The following NRG3 variants were observed in gnomAD, a reference collection of about 807,000 sequenced individuals.
NRG3 encodes the protein neuregulin 3.
A neutral mutation model predicts 66.9 loss-of-function variants in NRG3; 31 were observed. The ratio of observed to expected loss-of-function variants is 0.46; its 90% CI spans 0.35 to 0.63. The LOEUF (loss-of-function observed/expected upper bound fraction) is 0.63, where lower values mean the gene tolerates loss of function less well. NRG3 is among the 20% of genes least tolerant of loss of function. The pLI is 0.00. For synonymous variants in NRG3, 393 were observed against 359.4 expected (o/e 1.09, Z -1.06); for missense variants, 910 against 878.9 (o/e 1.04, Z -0.45).
At chr10:82,936,864 C>T (rs528273049) in intron 4 of NRG3, among the ~76,000 whole-genome samples, 1 of 152,166 alleles carries the variant, frequency 6.6e-6, no homozygotes, top group Admixed American at 6.5e-5. Context: ...ACAAAATCTC[C>T]AAGAAGAGGG....
intron 2 of NRG3, among the ~76,000 whole-genome samples, chr10:82,540,189 A>G (rs1199900793): frequency 1.3e-5 from 2 of 151,182 alleles, no homozygotes; most frequent in African/African-American, 4.9e-5. Flanking sequence ...TTTGTAGTCA[A>G]TAGTTTCTAA....
At chr10:81,959,708 A>T (rs7083652) in intron 1 of NRG3, among the ~76,000 whole-genome samples, 17,339 of 151,922 alleles carry the variant, frequency 0.11, 1,604 homozygotes, top group African/African-American at 0.26. Flanking sequence ...GCTTGTGAAA[A>T]TTATGCATTC....
intron 1 of NRG3, among the ~76,000 whole-genome samples, chr10:82,142,284 A>C (rs1010491329): frequency 3.9e-5 from 6 of 152,186 alleles, no homozygotes; most frequent in African/African-American, 1.4e-4. Flanking sequence ...CCTGTTCTCT[A>C]ACATCTGACA....
At chr10:82,024,614 G>T (rs2062211787) in intron 1 of NRG3, among the ~76,000 whole-genome samples, 1 of 151,952 alleles carries the variant, frequency 6.6e-6, no homozygotes. Context: ...TGAATTCAAG[G>T]TGTGTAGAAT....
intron 1 of NRG3, among the ~76,000 whole-genome samples, chr10:82,315,905 C>T (rs1343597202): frequency 6.6e-6 from 1 of 151,956 alleles, no homozygotes; most frequent in African/African-American, 2.4e-5. Flanking sequence ...CCTTAGCCTC[C>T]CAAAGTACTG....
intron 2 of NRG3, among the ~76,000 whole-genome samples, chr10:82,658,564 A>G (rs1371012070): frequency 2.0e-5 from 3 of 150,950 alleles, no homozygotes; most frequent in Non-Finnish European, 4.4e-5. Flanking sequence ...AAAGCCAGAA[A>G]AAAAAAAGAG....
chr10:82,813,871 T>C (rs1285095058), intron 3 of NRG3, among the ~76,000 whole-genome samples: 1 of 152,168 alleles, frequency 6.6e-6, no homozygotes, highest in Non-Finnish European at 1.5e-5. Flanking sequence ...AAGCTGTGTC[T>C]GAAGCATGAC....
rs1020484866 is a variant in NRG3 at position 82,902,747 on chromosome 10, C to T, written c.1054+37310C>T. 4.6e-5 allele frequency among the ~76,000 whole-genome samples: 7 copies of T among 151,930 alleles called. No homozygotes were observed. The East Asian group carries it at 1.2e-3, about 25-fold the overall frequency. ...TATCTGTATACACATGTATAGTTGA[C>T]CCTTGAACAACATGGGTTTGAACTG... On this transcript the variant is annotated intron_variant, in intron 4 of 8. Coordinates refer to ENST00000372141, the MANE Select transcript of NRG3 (RefSeq NM_001010848.4).
chr10:82,710,163 T>C (rs1488140349), intron 2 of NRG3, among the ~76,000 whole-genome samples: 4 of 152,364 alleles, frequency 2.6e-5, no homozygotes, highest in Middle Eastern at 3.4e-3. Flanking sequence ...GCAAGTTCCT[T>C]TGTTGGACAT....
chr10:82,129,444 A>G (rs144509809), intron 1 of NRG3, among the ~76,000 whole-genome samples: 1 of 152,294 alleles, frequency 6.6e-6, no homozygotes, highest in East Asian at 1.9e-4. Flanking sequence ...TGGTGTATGT[A>G]TGTATGAGGA....
chr10:81,894,790 G>C (rs1843368680), intron 1 of NRG3, among the ~76,000 whole-genome samples: 1 of 152,114 alleles, frequency 6.6e-6, no homozygotes, highest in Non-Finnish European at 1.5e-5. Flanking sequence ...CTGGAGAAGA[G>C]ACTCTGTTTC....
chr10:82,016,307 G>C (rs938745416), intron 1 of NRG3, among the ~76,000 whole-genome samples: 1 of 152,108 alleles, frequency 6.6e-6, no homozygotes, highest in Admixed American at 6.6e-5. Context: ...GGGCAGGAAA[G>C]TGACATTTGA....
chr10:82,985,518 C>A lies in NRG3; in HGVS notation c.2004C>A (p.Leu668=). ...GTGCAAGCGAAAACACAGCCTTTCT[C>A]CCCCTGAGTCCCACAGCCAAATCAG... ...EDSASENTAF[L]PLSPTAKSER... Residue 668 remains leucine, a synonymous_variant, in exon 9 of 9, where the codon CTC becomes CTA. Coordinates refer to ENST00000372141, the MANE Select transcript of NRG3 (RefSeq NM_001010848.4). 6.2e-7 allele frequency: 1 copy of A among 1,613,930 alleles called. No homozygotes were observed. Among genetic ancestry groups the A allele is most frequent in the Non-Finnish European group, 8.5e-7 (1 of 1,179,928 alleles).
chr10:81,926,107 CTTTA>C (rs534764745), intron 1 of NRG3, among the ~76,000 whole-genome samples: 51 of 151,934 alleles, frequency 3.4e-4, no homozygotes, highest in Admixed American at 7.2e-4. Context: ...CATATTGCTA[CTTTA>C]TTTATTTATT....
Position 82,050,992 on chromosome 10 carries a change from ATAG to A in NRG3, c.823+174831_823+174833del, listed in dbSNP as rs370907033. The stretch of plus-strand genomic sequence containing the variant: ...TTTTCTCGTCTGTAGTTTTCTGGAA[ATAG>A]TGGGGAGGTTGTAGGCTGTGATCAA... On this transcript the variant is annotated intron_variant, in intron 1 of 8. Coordinates refer to ENST00000372141, the MANE Select transcript of NRG3 (RefSeq NM_001010848.4). 3.6e-3 allele frequency among the ~76,000 whole-genome samples: 551 copies of A among 152,180 alleles called. 3 individuals carry two copies. Among genetic ancestry groups the A allele is most frequent in the African/African-American group, 0.013 (532 of 41,552 alleles).
chr10:82,554,754 T>A (rs1232446153), intron 2 of NRG3, among the ~76,000 whole-genome samples: 1 of 152,184 alleles, frequency 6.6e-6, no homozygotes, highest in Non-Finnish European at 1.5e-5. Context: ...CAAGATGAAA[T>A]CAAGCTAAAG....
chr10:82,875,787 C>T (rs974010257), intron 4 of NRG3, among the ~76,000 whole-genome samples: 1 of 152,168 alleles, frequency 6.6e-6, no homozygotes, highest in African/African-American at 2.4e-5. Context: ...CATGGACATT[C>T]CAAAGACTCC....
chr10:82,491,849 C>A (rs1243088675), intron 2 of NRG3, among the ~76,000 whole-genome samples: 3 of 152,160 alleles, frequency 2.0e-5, no homozygotes, highest in African/African-American at 7.2e-5. Context: ...TCCTCTTTTC[C>A]TTAAATGTTG....
intron 1 of NRG3, among the ~76,000 whole-genome samples, chr10:82,054,746 T>G (rs1374054371): frequency 6.6e-6 from 1 of 151,542 alleles, no homozygotes; most frequent in East Asian, 1.9e-4. Context: ...GGAAGAGAAG[T>G]GTTTGAATTA....
Sources: allele counts gnomAD v4.1 joint callset (sites outside exome capture counted in the v4.1 genomes callset), GRCh38; gene constraint gnomAD v4.1.1; transcripts MANE v1.5; gene names NCBI Gene and HGNC (gene_info 2026-07-23, HGNC 2026-07-21).